The following SORCS2 variants were observed in gnomAD, a reference collection of about 807,000 sequenced individuals.
The protein encoded by SORCS2 is sortilin related VPS10 domain containing receptor 2, also known as VPS10 domain-containing receptor SorCS2.
Under a neutral mutation model 141.6 loss-of-function variants are expected in SORCS2, and 100 were observed. That is an observed-to-expected ratio of 0.71 (90% confidence interval 0.60 to 0.83). SORCS2 has a LOEUF of 0.83. Among genes scored for constraint, SORCS2 ranks in the 40% least tolerant of loss-of-function variants. The pLI is 0.00. For synonymous variants in SORCS2, 789 were observed against 676.9 expected (o/e 1.17, Z -2.57); for missense variants, 1,646 against 1,560.2 (o/e 1.05, Z -0.93).
At chr4:7,591,796 T>G (rs1483889131) in intron 3 of SORCS2, among the ~76,000 whole-genome samples, 1 of 152,152 alleles carries the variant, frequency 6.6e-6, no homozygotes, top group East Asian at 1.9e-4. Flanking sequence ...GGCGGGCCTG[T>G]CGTCAGGGGT....
intron 3 of SORCS2, among the ~76,000 whole-genome samples, chr4:7,608,193 G>A (rs1361112200): frequency 6.6e-6 from 1 of 152,144 alleles, no homozygotes; most frequent in Non-Finnish European, 1.5e-5. Flanking sequence ...GTCACTTCCT[G>A]CCTGCCATGC....
intron 2 of SORCS2, among the ~76,000 whole-genome samples, chr4:7,486,960 T>C (rs1240908349): frequency 6.6e-6 from 1 of 152,228 alleles, no homozygotes; most frequent in Non-Finnish European, 1.5e-5. Context: ...TGTGGACAGG[T>C]CTTTTGGGTG....
chr4:7,298,722 C>A (rs1260394101), intron 1 of SORCS2, among the ~76,000 whole-genome samples: 1 of 152,196 alleles, frequency 6.6e-6, no homozygotes, highest in Non-Finnish European at 1.5e-5. Context: ...GGGAGCGGGG[C>A]TCATGTCCAT....
At chr4:7,489,861 G>C (rs1731211857) in intron 2 of SORCS2, among the ~76,000 whole-genome samples, 1 of 152,148 alleles carries the variant, frequency 6.6e-6, no homozygotes, top group African/African-American at 2.4e-5. Flanking sequence ...GGTGAGTGGT[G>C]ACCAGGACAC....
chr4:7,536,269 A>T (rs1334854431), intron 3 of SORCS2, among the ~76,000 whole-genome samples: 20 of 152,182 alleles, frequency 1.3e-4, no homozygotes, highest in Admixed American at 1.3e-3. Flanking sequence ...GCGGTGGTGA[A>T]TAAGGATTAC....
chr4:7,430,342 T>C (rs1726749017), intron 2 of SORCS2: 1 of 149,982 alleles, frequency 6.7e-6, no homozygotes, highest in African/African-American at 2.4e-5. Context: ...AACACATCAC[T>C]TCTAAGAAAA....
At chr4:7,585,212 A>C (rs1453853419) in intron 3 of SORCS2, among the ~76,000 whole-genome samples, 1 of 152,218 alleles carries the variant, frequency 6.6e-6, no homozygotes, top group Non-Finnish European at 1.5e-5. Flanking sequence ...AGCCTCTTGC[A>C]TCTCCCTGAA....
chr4:7,505,666 A>G (rs1467840031), intron 2 of SORCS2, among the ~76,000 whole-genome samples: 1 of 151,958 alleles, frequency 6.6e-6, no homozygotes, highest in Non-Finnish European at 1.5e-5. Context: ...GTACTCAGAT[A>G]CCCCCGAGAG....
intron 8 of SORCS2, among the ~76,000 whole-genome samples, chr4:7,673,931 G>A (rs753346894): frequency 2.0e-5 from 3 of 152,188 alleles, no homozygotes; most frequent in Non-Finnish European, 4.4e-5. Context: ...CAGGCTGGTG[G>A]ACAAACCTTC....
At chr4:7,302,796 C>CAT (rs1717526699) in intron 1 of SORCS2, among the ~76,000 whole-genome samples, 3 of 94,666 alleles carry the variant, frequency 3.2e-5, no homozygotes, top group South Asian at 5.1e-4. Context: ...TGTGCGCGCG[C>CAT]GTGTGTGTGT....
At chr4:7,492,592 A>T (rs1731382316) in intron 2 of SORCS2, among the ~76,000 whole-genome samples, 1 of 152,186 alleles carries the variant, frequency 6.6e-6, no homozygotes. Flanking sequence ...ATTTTATAAT[A>T]GTTCTATTTC....
At chr4:7,483,276 T>C (rs7697698) in intron 2 of SORCS2, among the ~76,000 whole-genome samples, 17,960 of 147,236 alleles carry the variant, frequency 0.12, 1,538 homozygotes, top group African/African-American at 0.25. Context: ...TGAACCGAGA[T>C]TGGGCCACTG....
chr4:7,254,174 C>G (rs1002304839), intron 1 of SORCS2, among the ~76,000 whole-genome samples: 5 of 152,160 alleles, frequency 3.3e-5, no homozygotes, highest in African/African-American at 1.2e-4. Context: ...TACTATTGAG[C>G]ATCTACCCGA....
chr4:7,354,094 T>A (rs1391356551), intron 1 of SORCS2, among the ~76,000 whole-genome samples: 1 of 152,122 alleles, frequency 6.6e-6, no homozygotes, highest in African/African-American at 2.4e-5. Flanking sequence ...CGAGCATGAG[T>A]TGAGATCTCT....
intron 1 of SORCS2, among the ~76,000 whole-genome samples, chr4:7,357,681 C>T (rs1019256913): frequency 2.0e-5 from 3 of 152,120 alleles, no homozygotes; most frequent in Non-Finnish European, 4.4e-5. Context: ...AGTCAAATAC[C>T]TTTCTTGGTT....
At chr4:7,272,989 C>T (rs940084611) in intron 1 of SORCS2, among the ~76,000 whole-genome samples, 4 of 152,198 alleles carry the variant, frequency 2.6e-5, no homozygotes, top group African/African-American at 9.7e-5. Context: ...CAGGGATTTG[C>T]CACATGGAAC....
At chr4:7,453,197 C>T (rs866039079) in intron 2 of SORCS2, among the ~76,000 whole-genome samples, 695 of 66,216 alleles carry the variant, frequency 0.01, 8 homozygotes, top group African/African-American at 0.04. Context: ...GGTCAGGCTC[C>T]GTGTTGGGGT....
intron 13 of SORCS2, among the ~76,000 whole-genome samples, 159 bp downstream of exon 13, chr4:7,703,530 C>G (rs2109016091): frequency 6.6e-6 from 1 of 152,334 alleles, no homozygotes; most frequent in East Asian, 1.9e-4. Context: ...CTGGGACACA[C>G]CTCACAAACC....
intron 1 of SORCS2, among the ~76,000 whole-genome samples, chr4:7,381,106 G>A (rs1433376040): frequency 7.0e-6 from 1 of 142,184 alleles, no homozygotes; most frequent in Non-Finnish European, 1.6e-5. Context: ...AAAGGAGTGG[G>A]TTAATTAACA....
Sources: allele counts gnomAD v4.1 joint callset (sites outside exome capture counted in the v4.1 genomes callset), GRCh38; gene constraint gnomAD v4.1.1; transcripts MANE v1.5; gene names NCBI Gene and HGNC (gene_info 2026-07-23, HGNC 2026-07-21).